The following R3HDM2 variants were observed in gnomAD, a reference collection of about 807,000 sequenced individuals.
R3HDM2 encodes the protein R3H domain-containing protein 2.
In R3HDM2, 38 loss-of-function variants were observed where a neutral mutation model predicts 124.5. The observed-to-expected ratio is 0.31, with a 90% CI of 0.24 to 0.40. The LOEUF (loss-of-function observed/expected upper bound fraction) is 0.40. Among genes scored for constraint, R3HDM2 ranks in the 10% least tolerant of loss-of-function variants. The probability of loss-of-function intolerance (pLI) is 1.00; values close to 1 mark genes in which losing one functional copy is unlikely to be tolerated. For missense variants in R3HDM2, 869 were observed against 1,236.9 expected, an observed-to-expected ratio of 0.70 and a Z score of 4.46; for synonymous variants, 391 against 448.0, an observed-to-expected ratio of 0.87 and a Z score of 1.61.
intron 19 of R3HDM2, among the ~76,000 whole-genome samples, chr12:57,263,418 G>A (rs2041398833): frequency 6.6e-6 from 1 of 152,150 alleles, no homozygotes; most frequent in Middle Eastern, 3.2e-3. Context: ...CATAATAAAA[G>A]TTAAGGACTT....
intron 2 of R3HDM2, among the ~76,000 whole-genome samples, chr12:57,362,808 ATTTTAT>A (rs2137641670): frequency 6.6e-6 from 1 of 152,054 alleles, no homozygotes; most frequent in South Asian, 2.1e-4. Context: ...GATCTGCATT[ATTTTAT>A]TTTTATTTTA....
At chr12:57,419,278 C>T (rs1444873596) in intron 1 of R3HDM2, among the ~76,000 whole-genome samples, 9 of 151,060 alleles carry the variant, frequency 6.0e-5, no homozygotes, top group Non-Finnish European at 1.2e-4. Context: ...CCAGCACCTA[C>T]GATTACAGGC....
chr12:57,357,075 C>G (rs2061381039), intron 2 of R3HDM2, among the ~76,000 whole-genome samples: 2 of 151,550 alleles, frequency 1.3e-5, no homozygotes, highest in Non-Finnish European at 2.9e-5. Context: ...TGCACTCCAG[C>G]CTGGGCGACA....
chr12:57,271,443 C>T (rs901854388), intron 14 of R3HDM2, among the ~76,000 whole-genome samples: 2 of 151,888 alleles, frequency 1.3e-5, no homozygotes, highest in African/African-American at 2.4e-5. Context: ...GTAATACACA[C>T]ACACACACAC....
intron 2 of R3HDM2, among the ~76,000 whole-genome samples, chr12:57,335,809 T>A (rs1464853420): frequency 6.6e-6 from 1 of 151,986 alleles, no homozygotes; most frequent in Non-Finnish European, 1.5e-5. Flanking sequence ...GGCTCACCGT[T>A]GCAAACCCAG....
At chr12:57,327,548 T>C (rs764622027) in intron 2 of R3HDM2, among the ~76,000 whole-genome samples, 2 of 152,060 alleles carry the variant, frequency 1.3e-5, no homozygotes, top group Non-Finnish European at 2.9e-5. Flanking sequence ...CTAGGCAAAG[T>C]AAATTGAAAA....
At position 57,320,261 on chromosome 12, in the gene R3HDM2, C is replaced by CAAAAAAAAAAAAAAAA. The variant is rs56207989; in HGVS notation, c.-35-9814_-35-9799dup. Among the ~76,000 whole-genome samples the CAAAAAAAAAAAAAAAA allele has an allele frequency of 4.5e-3, 64 of 14,272 alleles. 6 individuals are homozygous for CAAAAAAAAAAAAAAAA. Among genetic ancestry groups the CAAAAAAAAAAAAAAAA allele is most frequent in the South Asian group, 9.6e-3 (1 of 104 alleles). 9.4% of individuals were successfully genotyped at this position (14,272 alleles called of 152,430 possible). A position where few individuals can be genotyped will look rare whatever the true frequency, so the allele number is the denominator to read the frequency against. ...GGGCAACAAGAGTGCAACTCTATCT[C>CAAAAAAAAAAAAAAAA]AAAAAAAAAAAAAAAAAAAAAAAAA... On this transcript the variant is annotated intron_variant, in intron 2 of 23. Transcript: ENST00000402412.
chr12:57,278,005 G>A (rs1348384843), intron 14 of R3HDM2, among the ~76,000 whole-genome samples: 6 of 152,112 alleles, frequency 3.9e-5, no homozygotes, highest in African/African-American at 1.2e-4. Context: ...AAAGTGGAGA[G>A]GGAGAAAAAA....
intron 10 of R3HDM2, 69 bp downstream of exon 10, chr12:57,295,330 A>G: frequency 9.4e-7 from 1 of 1,064,524 alleles, no homozygotes; most frequent in African/African-American, 1.6e-5. Flanking sequence ...TCCCACAAAA[A>G]TTCTTCTCCC....
At chr12:57,332,404 C>A (rs1388216785) in intron 2 of R3HDM2, among the ~76,000 whole-genome samples, 1 of 91,858 alleles carries the variant, frequency 1.1e-5, no homozygotes, top group Non-Finnish European at 2.0e-5. Flanking sequence ...GAGTGAGACC[C>A]TGTCTCAAAA....
chr12:57,371,178 T>G (rs752128682), intron 2 of R3HDM2, among the ~76,000 whole-genome samples: 10 of 147,486 alleles, frequency 6.8e-5, no homozygotes, highest in Non-Finnish European at 1.5e-4. Context: ...TTTTACCCTC[T>G]TCAGTGCCTA....
intron 2 of R3HDM2, among the ~76,000 whole-genome samples, chr12:57,322,976 A>G (rs1190637696): frequency 6.6e-6 from 1 of 152,184 alleles, no homozygotes; most frequent in Non-Finnish European, 1.5e-5. Context: ...GTCCATCCCT[A>G]TGACTTTGAA....
chr12:57,316,278 G>T (rs2055003183), intron 2 of R3HDM2, among the ~76,000 whole-genome samples: 1 of 152,172 alleles, frequency 6.6e-6, no homozygotes, highest in African/African-American at 2.4e-5. Flanking sequence ...CTTCCCCTGA[G>T]AATACATGAT....
At chr12:57,255,201 C>T in intron 23 of R3HDM2, 88 bp from the exon 24 acceptor site, 1 of 1,131,078 alleles carries the variant, frequency 8.8e-7, no homozygotes, top group Non-Finnish European at 1.3e-6. Context: ...GTCCAGCTGA[C>T]TAAGTCTGTA....
intron 2 of R3HDM2, among the ~76,000 whole-genome samples, chr12:57,381,408 T>G (rs1030432986): frequency 6.6e-6 from 1 of 151,584 alleles, no homozygotes; most frequent in Non-Finnish European, 1.5e-5. Flanking sequence ...AGAAATTAGC[T>G]GGGCATCTGT....
intron 2 of R3HDM2, among the ~76,000 whole-genome samples, chr12:57,338,733 C>A (rs1046589729): frequency 1.3e-5 from 2 of 151,844 alleles, no homozygotes; most frequent in African/African-American, 2.4e-5. Context: ...TCGTACATGG[C>A]TTGAAAATCT....
chr12:57,382,533 C>G (rs1248107949), intron 2 of R3HDM2, among the ~76,000 whole-genome samples: 12 of 146,792 alleles, frequency 8.2e-5, no homozygotes, highest in Admixed American at 8.1e-4. Flanking sequence ...AGGCGTGAGC[C>G]CAGCCTACAA....
chr12:57,302,408 G>A (rs2051411066), intron 4 of R3HDM2, among the ~76,000 whole-genome samples: 1 of 151,956 alleles, frequency 6.6e-6, no homozygotes, highest in African/African-American at 2.4e-5. Context: ...GCTCATGCCT[G>A]TAATGCCAGT....
At chr12:57,289,709 T>TGAGCAGAGTGAGCTCCATGCA (rs1204477734) in intron 11 of R3HDM2, among the ~76,000 whole-genome samples, 1 of 152,238 alleles carries the variant, frequency 6.6e-6, no homozygotes, top group African/African-American at 2.4e-5. Context: ...GTCCAGCTGC[T>TGAGCAGAGTGAGCTCCATGCA]GAGCAGAGTG....
Sources: gnomAD v4.1 joint callset for allele counts (sites outside exome capture counted in the v4.1 genomes callset) on GRCh38, gnomAD v4.1.1 for gene constraint, MANE v1.5 for transcripts, NCBI Gene and HGNC (gene_info 2026-07-23, HGNC 2026-07-21) for gene names.